ZNF362: variants seen among roughly 807,000 people sequenced by gnomAD.
The protein encoded by ZNF362 is rotund homolog.
Under a neutral mutation model 42.9 loss-of-function variants are expected in ZNF362, and 11 were observed. The observed-to-expected ratio is 0.26, with a 90% CI of 0.16 to 0.42. The LOEUF (loss-of-function observed/expected upper bound fraction) is 0.42, where lower values mean the gene tolerates loss of function less well. ZNF362 is among the 20% of genes least tolerant of loss of function. The pLI, the probability that ZNF362 is intolerant of heterozygous loss-of-function variation, is 1.00. For missense variants in ZNF362, 362 were observed against 576.2 expected, an observed-to-expected ratio of 0.63 and a Z score of 3.81; for synonymous variants, 255 against 257.3, an observed-to-expected ratio of 0.99 and a Z score of 0.09.
chr1:33,138,989 G>A, the ZNF362 span, among the ~76,000 whole-genome samples: 1 of 152,336 alleles, frequency 6.6e-6, no homozygotes, highest in African/African-American at 2.4e-5. Flanking sequence ...ATTTGTTTAT[G>A]TGTAAGCAAA....
chr1:33,133,910 G>A, the ZNF362 span, among the ~76,000 whole-genome samples: 10 of 152,248 alleles, frequency 6.6e-5, no homozygotes, highest in African/African-American at 1.9e-4. Context: ...AGGGAGAGAT[G>A]TGATCCTAAT....
chr1:33,231,355 C>T, the ZNF362 span, among the ~76,000 whole-genome samples: 1 of 152,176 alleles, frequency 6.6e-6, no homozygotes. Context: ...ATGGCCACAT[C>T]ATCTCATTTG....
intron 6 of ZNF362, among the ~76,000 whole-genome samples, chr1:33,289,260 C>G (rs1646057107): frequency 6.6e-6 from 1 of 152,160 alleles, no homozygotes; most frequent in Non-Finnish European, 1.5e-5. Flanking sequence ...TAAGATGCTC[C>G]TCTCAGGAGC....
At chr1:33,254,293 T>C (rs1645773904), upstream of ZNF362, among the ~76,000 whole-genome samples, 1 of 152,110 alleles carries the variant, frequency 6.6e-6, no homozygotes, top group South Asian at 2.1e-4. Context: ...CTGGCTAATT[T>C]TTGTATTTTT....
At chr1:33,221,431 G>T in the ZNF362 span, among the ~76,000 whole-genome samples, 6 of 152,158 alleles carry the variant, frequency 3.9e-5, no homozygotes, top group Non-Finnish European at 7.4e-5. Context: ...AACCAGTCCA[G>T]CCTCACTCCT....
chr1:33,158,997 C>T, the ZNF362 span, among the ~76,000 whole-genome samples: 732 of 152,116 alleles, frequency 4.8e-3, 6 homozygotes, highest in African/African-American at 0.016. Flanking sequence ...CCTGCCACCA[C>T]GCCCGGCTAA....
At chr1:33,255,632 C>T (rs1286178270), upstream of ZNF362, among the ~76,000 whole-genome samples, 1 of 152,172 alleles carries the variant, frequency 6.6e-6, no homozygotes, top group Non-Finnish European at 1.5e-5. Flanking sequence ...CGGGGGACAG[C>T]CGGTGCCACC....
the ZNF362 span, chr1:33,181,128 A>G: frequency 6.2e-7 from 1 of 1,600,944 alleles, no homozygotes; most frequent in South Asian, 1.1e-5. This position sits in a 1 kb window ranked among gnomAD's most constrained non-coding sequence, Gnocchi z 6.5. Flanking sequence ...CGTGAGGCAG[A>G]AGAGCTTGAC....
chr1:33,236,283 C>G, the ZNF362 span, among the ~76,000 whole-genome samples: 1 of 151,558 alleles, frequency 6.6e-6, no homozygotes, highest in Middle Eastern at 3.2e-3. Context: ...TGGCTAATGC[C>G]TGCAATCCCA....
chr1:33,176,593 C>T, the ZNF362 span: 58 of 523,062 alleles, frequency 1.1e-4, no homozygotes, highest in Middle Eastern at 1.0e-3. Context: ...ACCAAGATGA[C>T]GTCCCAACCA....
At chr1:33,165,630 AC>A in the ZNF362 span, 1 of 1,425,210 alleles carries the variant, frequency 7.0e-7, no homozygotes, top group South Asian at 1.4e-5. This position sits in a 1 kb window ranked among gnomAD's most constrained non-coding sequence, Gnocchi z 4.0. Flanking sequence ...TTCAGCCCTG[AC>A]CACTGCCAGG....
intron 6 of ZNF362, among the ~76,000 whole-genome samples, chr1:33,282,609 G>A (rs1408991607): frequency 1.3e-5 from 2 of 152,114 alleles, no homozygotes; most frequent in African/African-American, 2.4e-5. Context: ...ATCACCTGAG[G>A]TCAGGAGTTC....
chr1:33,165,293 A>G, the ZNF362 span: 1 of 548,320 alleles, frequency 1.8e-6, no homozygotes, highest in Non-Finnish European at 3.2e-6. This position sits in a 1 kb window ranked among gnomAD's most constrained non-coding sequence, Gnocchi z 4.0. Context: ...GCCCCATTGA[A>G]CTTCACGGAT....
chr1:33,181,242 G>A, the ZNF362 span: 1 of 1,556,718 alleles, frequency 6.4e-7, no homozygotes, highest in Non-Finnish European at 8.6e-7. The surrounding 1 kb of genome is among the most constrained non-coding windows in gnomAD (Gnocchi z 6.5). Flanking sequence ...CTTGAGGCTG[G>A]GCGCCAGCGC....
chr1:33,132,732 C>T, the ZNF362 span, among the ~76,000 whole-genome samples: 9 of 152,240 alleles, frequency 5.9e-5, no homozygotes, highest in Non-Finnish European at 1.2e-4. Flanking sequence ...CACCACCTGG[C>T]ACTCCTGGCA....
At chr1:33,283,095 G>GGTAC (rs1218747203) in intron 6 of ZNF362, among the ~76,000 whole-genome samples, 2 of 151,992 alleles carry the variant, frequency 1.3e-5, no homozygotes, top group Non-Finnish European at 2.9e-5. Context: ...AAGAATTCAA[G>GGTAC]GTTTTTTCTG....
At chr1:33,194,069 G>A in the ZNF362 span, among the ~76,000 whole-genome samples, 1 of 152,076 alleles carries the variant, frequency 6.6e-6, no homozygotes, top group African/African-American at 2.4e-5. Context: ...TATGAAAAAA[G>A]AAGCAAATAG....
At chr1:33,285,446 C>T (rs114596392) in intron 6 of ZNF362, among the ~76,000 whole-genome samples, 2,267 of 152,134 alleles carry the variant, frequency 0.015, 24 homozygotes, top group Non-Finnish European at 0.024. Context: ...TGGCAGCAAG[C>T]GCACTGGCCC....
the ZNF362 span, among the ~76,000 whole-genome samples, chr1:33,214,728 A>G: frequency 6.6e-6 from 1 of 152,238 alleles, no homozygotes; most frequent in Non-Finnish European, 1.5e-5. Context: ...CAAATGATTG[A>G]TAGGTGTTTG....
Sources: allele counts gnomAD v4.1 joint callset (sites outside exome capture counted in the v4.1 genomes callset), GRCh38; gene constraint gnomAD v4.1.1; non-coding constraint Gnocchi (gnomAD v3.1); transcripts MANE v1.5; gene names NCBI Gene and HGNC (gene_info 2026-07-23, HGNC 2026-07-21).